The following SEMA6A variants were observed in gnomAD, a reference collection of about 807,000 sequenced individuals.
The protein encoded by SEMA6A is semaphorin 6A.
Under a neutral mutation model 96.8 loss-of-function variants are expected in SEMA6A, and 25 were observed. That is an observed-to-expected ratio of 0.26 (90% CI 0.19 to 0.36). The LOEUF is 0.36. SEMA6A is among the 10% of genes least tolerant of loss of function. SEMA6A has a pLI of 1.00. For missense variants in SEMA6A, 1,363 were observed against 1,323.1 expected, an observed-to-expected ratio of 1.03 and a Z score of -0.47; for synonymous variants, 612 against 518.0, an observed-to-expected ratio of 1.18 and a Z score of -2.46.
intron 16 of SEMA6A, among the ~76,000 whole-genome samples, chr5:116,474,917 A>G (rs1756372984): frequency 6.6e-6 from 1 of 152,226 alleles, no homozygotes; most frequent in Non-Finnish European, 1.5e-5. Context: ...CTGGGCAGAA[A>G]TTTGAGCCAG....
At chr5:116,553,149 A>G (rs1261993596) in intron 1 of SEMA6A, among the ~76,000 whole-genome samples, 1 of 152,254 alleles carries the variant, frequency 6.6e-6, no homozygotes, top group Non-Finnish European at 1.5e-5. Context: ...TTTGAATAAT[A>G]CGTTACATAA....
chr5:116,502,077 T>C, intron 3 of SEMA6A, 133 bp downstream of exon 3: 1 of 658,976 alleles, frequency 1.5e-6, no homozygotes, highest in Non-Finnish European at 2.7e-6. Flanking sequence ...GCTTGATAAG[T>C]TAAAGGAGGC....
At chr5:116,485,082 T>C (rs866162854) in intron 10 of SEMA6A, among the ~76,000 whole-genome samples, 2 of 152,178 alleles carry the variant, frequency 1.3e-5, no homozygotes, top group Non-Finnish European at 2.9e-5. Context: ...CTATAATTTA[T>C]AGATGACAAT....
intron 1 of SEMA6A, among the ~76,000 whole-genome samples, chr5:116,572,932 T>C (rs1388924357): frequency 6.6e-6 from 1 of 152,106 alleles, no homozygotes; most frequent in Non-Finnish European, 1.5e-5. Flanking sequence ...GAGGAGGCGC[T>C]GGGCGGAGGG....
intron 1 of SEMA6A, among the ~76,000 whole-genome samples, chr5:116,558,000 C>T (rs559652324): frequency 2.4e-4 from 36 of 152,298 alleles, no homozygotes; most frequent in African/African-American, 7.9e-4. Flanking sequence ...GGTGTCCCAA[C>T]ATTTTTTAAA....
At chr5:116,531,134 T>C (rs1332139448) in intron 1 of SEMA6A, among the ~76,000 whole-genome samples, 2 of 149,440 alleles carry the variant, frequency 1.3e-5, no homozygotes, top group East Asian at 4.0e-4. Flanking sequence ...ACTAAACATT[T>C]AATAAGTGCC....
rs111940696 is a variant in SEMA6A at position 116,514,074 on chromosome 5, T to C, written c.-38-9092A>G. On this transcript the variant is annotated intron_variant, in intron 1 of 18. Transcript: ENST00000343348. Reference sequence around the variant, plus strand: ...TCCATGTCTTTGCTATTGTGAACAATAGCAGTGCTGCACTGAACATATACG... The same window carrying C: ...TCCATGTCTTTGCTATTGTGAACAACAGCAGTGCTGCACTGAACATATACG... Among the ~76,000 whole-genome samples the C allele has an allele frequency of 5.5e-3, 840 of 152,328 alleles. 14 individuals carry two copies. Among genetic ancestry groups the C allele is most frequent in the African/African-American group, 0.019 (795 of 41,570 alleles).
intron 1 of SEMA6A, among the ~76,000 whole-genome samples, chr5:116,505,446 G>C (rs1244087849): frequency 1.6e-5 from 2 of 127,760 alleles, no homozygotes; most frequent in South Asian, 2.7e-4. Context: ...CAGGTACACA[G>C]ACACACGCAC....
intron 3 of SEMA6A, among the ~76,000 whole-genome samples, chr5:116,500,581 G>A (rs983772056): frequency 6.6e-6 from 1 of 152,136 alleles, no homozygotes; most frequent in African/African-American, 2.4e-5. Context: ...GCAGTTTCAG[G>A]ATGTTTTAGT....
intron 17 of SEMA6A, chr5:116,468,093 C>T (rs1755885308): frequency 4.0e-6 from 1 of 248,356 alleles, no homozygotes; most frequent in African/African-American, 2.2e-5. Context: ...GTGAAAGCAT[C>T]TTGCACAGTG....
intron 1 of SEMA6A, among the ~76,000 whole-genome samples, chr5:116,520,556 A>AT (rs1213113568): frequency 6.6e-6 from 1 of 152,188 alleles, no homozygotes; most frequent in African/African-American, 2.4e-5. Flanking sequence ...AGAGACTGGC[A>AT]TTTTTCAGAT....
chr5:116,549,318 A>G (rs914046412), intron 1 of SEMA6A, among the ~76,000 whole-genome samples: 5 of 152,190 alleles, frequency 3.3e-5, no homozygotes, highest in Admixed American at 6.5e-5. Flanking sequence ...GCTCGGCACT[A>G]GAACAGAAGC....
At chr5:116,557,306 G>T (rs1390325070) in intron 1 of SEMA6A, among the ~76,000 whole-genome samples, 3 of 152,136 alleles carry the variant, frequency 2.0e-5, no homozygotes, top group Non-Finnish European at 4.4e-5. Context: ...CCACCTCCTG[G>T]GCTCAAGCGA....
intron 3 of SEMA6A, among the ~76,000 whole-genome samples, chr5:116,500,531 G>C (rs951030939): frequency 2.6e-5 from 4 of 152,148 alleles, no homozygotes; most frequent in Admixed American, 2.6e-4. Flanking sequence ...TAAAACTTTA[G>C]GAAAGTATTT....
At chr5:116,568,561 G>C (rs1460868375) in intron 1 of SEMA6A, among the ~76,000 whole-genome samples, 1 of 152,172 alleles carries the variant, frequency 6.6e-6, no homozygotes, top group East Asian at 1.9e-4. Flanking sequence ...GAACAAATGA[G>C]GCCAGGGTCA....
intron 6 of SEMA6A, among the ~76,000 whole-genome samples, chr5:116,494,903 T>C (rs545293716): frequency 6.6e-6 from 1 of 150,488 alleles, no homozygotes; most frequent in South Asian, 2.2e-4. Flanking sequence ...AAGAGGGCTT[T>C]TTCCAGCCCT....
intron 1 of SEMA6A, among the ~76,000 whole-genome samples, chr5:116,566,561 A>T (rs1239429003): frequency 1.3e-5 from 2 of 152,198 alleles, no homozygotes; most frequent in Non-Finnish European, 2.9e-5. Flanking sequence ...TTTATTTCCT[A>T]GTTGAAAATA....
At chr5:116,531,730 C>T (rs180812810) in intron 1 of SEMA6A, among the ~76,000 whole-genome samples, 37 of 152,270 alleles carry the variant, frequency 2.4e-4, no homozygotes, top group East Asian at 9.6e-4. Flanking sequence ...ACCTTTTCCA[C>T]CAGTTTTAAT....
In SEMA6A at chr5:116,504,849, G is replaced by C; in HGVS notation, c.96C>G (p.Gly32=). 1.3e-6 allele frequency: 2 copies of C among 1,594,980 alleles called. No individual in the cohort carries two copies. Among genetic ancestry groups the C allele is most frequent in the Non-Finnish European group, 8.5e-7 (1 of 1,169,836 alleles). The part of the protein sequence containing the change: ...EDSEPISISH[G]NYTKQYPVFV... The stretch of plus-strand genomic sequence containing the variant: ...AGTGAGACCATGGGTACTTACAGTT[G>C]CCATGCGAAATACTGATTGGCTCAG... Residue 32 remains glycine, a synonymous_variant, in exon 2 of 19, where the codon GGC becomes GGG. Transcript: ENST00000343348.
Sources: allele counts gnomAD v4.1 joint callset (sites outside exome capture counted in the v4.1 genomes callset), GRCh38; gene constraint gnomAD v4.1.1; transcripts MANE v1.5; gene names NCBI Gene and HGNC (gene_info 2026-07-23, HGNC 2026-07-21).